C12orf42: variants seen among roughly 807,000 people sequenced by gnomAD.
C12orf42 encodes the protein chromosome 12 open reading frame 42.
In C12orf42, 25 loss-of-function variants were observed where a neutral mutation model predicts 21.6. The observed-to-expected ratio is 1.16, with a 90% confidence interval of 0.84 to 1.62. The LOEUF (loss-of-function observed/expected upper bound fraction) is 1.62, where lower values mean the gene tolerates loss of function less well. Ranked by LOEUF, C12orf42 falls within the 40% of genes most tolerant of loss-of-function variation. The probability of loss-of-function intolerance (pLI) is 0.00; values close to 1 mark genes in which losing one functional copy is unlikely to be tolerated. For synonymous variants in C12orf42, 174 were observed against 175.0 expected (o/e 0.99, Z 0.05); for missense variants, 483 against 459.3 (o/e 1.05, Z -0.47).
chr12:103,359,053 T>C (rs1257054682), intron 4 of C12orf42, among the ~76,000 whole-genome samples: 1 of 152,108 alleles, frequency 6.6e-6, no homozygotes, highest in African/African-American at 2.4e-5. Context: ...GTCTCTTTTC[T>C]AATTTTTAGA....
At chr12:103,335,432 T>G (rs188818562) in intron 4 of C12orf42, among the ~76,000 whole-genome samples, 1 of 152,046 alleles carries the variant, frequency 6.6e-6, no homozygotes, top group Non-Finnish European at 1.5e-5. Context: ...AGATAATTGC[T>G]CTCAAGAGGG....
At chr12:103,204,700 T>C in the C12orf42 span, among the ~76,000 whole-genome samples, 1 of 152,186 alleles carries the variant, frequency 6.6e-6, no homozygotes, top group African/African-American at 2.4e-5. Context: ...TCTGTATATT[T>C]CAAGGTATAT....
At chr12:103,425,074 T>C (rs997765180) in intron 2 of C12orf42, among the ~76,000 whole-genome samples, 1 of 152,112 alleles carries the variant, frequency 6.6e-6, no homozygotes, top group Admixed American at 6.5e-5. Flanking sequence ...CACTGGGAAG[T>C]AGGAACTGGA....
chr12:103,436,271 C>A (rs1275205767), intron 2 of C12orf42, among the ~76,000 whole-genome samples: 7 of 151,714 alleles, frequency 4.6e-5, no homozygotes, highest in Admixed American at 2.0e-4. Flanking sequence ...TGGAAAGGAA[C>A]AACCGGTACC....
chr12:103,243,031 ATT>A (rs1162542528), intron 10 of C12orf42, among the ~76,000 whole-genome samples: 1 of 151,840 alleles, frequency 6.6e-6, no homozygotes, highest in Non-Finnish European at 1.5e-5. Context: ...GTTATGGGAA[ATT>A]TTTTTTAAGA....
the C12orf42 span, among the ~76,000 whole-genome samples, chr12:103,506,854 T>C: frequency 1.2e-5 from 1 of 80,844 alleles, no homozygotes; most frequent in East Asian, 5.5e-4. Flanking sequence ...TATATATTTA[T>C]ATATTATATA....
chr12:103,559,914 A>G, the C12orf42 span: 5 of 152,218 alleles, frequency 3.3e-5, no homozygotes, highest in African/African-American at 1.2e-4. Context: ...ATCTCTCTGA[A>G]TGCTTCAAAG....
intron 10 of C12orf42, chr12:103,262,583 C>T (rs2034950805): frequency 6.6e-6 from 1 of 152,028 alleles, no homozygotes; most frequent in Admixed American, 6.6e-5. Flanking sequence ...ATAAAATAAA[C>T]ATATATGCAT....
Position 103,457,905 on chromosome 12 carries a change from C to T in C12orf42, c.78+20444G>A, listed in dbSNP as rs189645855. Among the ~76,000 whole-genome samples the T allele has an allele frequency of 2.0e-5, 3 of 152,212 alleles. No homozygotes were observed. The East Asian group carries it at 5.8e-4, about 29-fold the overall frequency. ...ATGTGGCCATAACAGGATGTTATTT[C>T]ATATAAGACCTGAAAATATTGAACT... On this transcript the variant is annotated intron_variant, in intron 2 of 5. Transcript: ENST00000548883.
chr12:103,255,340 C>A (rs1217409849), intron 10 of C12orf42, among the ~76,000 whole-genome samples: 2 of 152,052 alleles, frequency 1.3e-5, no homozygotes, highest in African/African-American at 4.8e-5. Context: ...CCACTGCACT[C>A]CAGTCTGGCG....
chr12:103,055,296 T>C, the C12orf42 span, among the ~76,000 whole-genome samples: 3 of 151,900 alleles, frequency 2.0e-5, no homozygotes, highest in Non-Finnish European at 4.4e-5. Context: ...GAGTAGTTTG[T>C]GATTTTTGAG....
intron 3 of C12orf42, among the ~76,000 whole-genome samples, chr12:103,399,007 T>C (rs1170549937): frequency 6.6e-6 from 1 of 152,160 alleles, no homozygotes; most frequent in Non-Finnish European, 1.5e-5. Flanking sequence ...GACTTCTCAT[T>C]CATATGCATA....
chr12:103,304,186 C>T (rs1315664204), intron 5 of C12orf42, among the ~76,000 whole-genome samples: 2 of 152,074 alleles, frequency 1.3e-5, no homozygotes, highest in Non-Finnish European at 2.9e-5. Flanking sequence ...TGACCTTACC[C>T]GAAAGATGGG....
At chr12:103,293,408 A>T (rs1472807372) in intron 4 of C12orf42, among the ~76,000 whole-genome samples, 1 of 152,070 alleles carries the variant, frequency 6.6e-6, no homozygotes, top group African/African-American at 2.4e-5. Flanking sequence ...CTCAAAATGT[A>T]TAAGCTTCAG....
At chr12:103,063,334 A>G in the C12orf42 span, among the ~76,000 whole-genome samples, 1 of 152,188 alleles carries the variant, frequency 6.6e-6, no homozygotes, top group Admixed American at 6.5e-5. Context: ...CAACTGACTG[A>G]CCTGCAATGA....
the C12orf42 span, among the ~76,000 whole-genome samples, chr12:103,108,505 TATC>T: frequency 2.6e-5 from 4 of 152,074 alleles, no homozygotes; most frequent in Non-Finnish European, 5.9e-5. Context: ...TAATGTAGTT[TATC>T]ATGTCAGCAG....
At chr12:103,240,920 G>T (rs544689891) in intron 10 of C12orf42, among the ~76,000 whole-genome samples, 1 of 152,044 alleles carries the variant, frequency 6.6e-6, no homozygotes, top group East Asian at 1.9e-4. Flanking sequence ...GTTGCTGAAT[G>T]AATTAAAAAA....
the C12orf42 span, among the ~76,000 whole-genome samples, chr12:103,119,984 A>G: frequency 1.4e-4 from 22 of 152,350 alleles, no homozygotes; most frequent in South Asian, 4.1e-4. Flanking sequence ...TGAATTATCA[A>G]TTGAGGAGTC....
At chr12:103,271,019 T>C (rs1001867271) in intron 5 of C12orf42, among the ~76,000 whole-genome samples, 18 of 152,148 alleles carry the variant, frequency 1.2e-4, no homozygotes, top group African/African-American at 3.9e-4. Flanking sequence ...ATTATATGAT[T>C]TGCTTTGCCA....
Sources: allele counts gnomAD v4.1 joint callset (sites outside exome capture counted in the v4.1 genomes callset), GRCh38; gene constraint gnomAD v4.1.1; transcripts MANE v1.5; gene names NCBI Gene and HGNC (gene_info 2026-07-23, HGNC 2026-07-21).